Variants in RSPO4 observed in about 807,000 individuals in gnomAD.
The protein encoded by RSPO4 is R-spondin-4.
RSPO4 carries 23 observed loss-of-function variants against 24.8 expected under a neutral mutation model. The ratio of observed to expected loss-of-function variants is 0.93; its 90% confidence interval spans 0.67 to 1.31. The LOEUF (loss-of-function observed/expected upper bound fraction) is 1.31. Among genes scored for constraint, RSPO4 ranks in the 40% most tolerant of loss-of-function variants. The probability of loss-of-function intolerance (pLI) is 0.00; values close to 1 mark genes in which losing one functional copy is unlikely to be tolerated. For synonymous variants in RSPO4, 141 were observed against 127.4 expected, an observed-to-expected ratio of 1.11 and a Z score of -0.72; for missense variants, 333 against 316.5, an observed-to-expected ratio of 1.05 and a Z score of -0.39.
intron 1 of RSPO4, among the ~76,000 whole-genome samples, chr20:989,717 T>C (rs1217133701): frequency 2.0e-5 from 3 of 152,168 alleles, no homozygotes; most frequent in Admixed American, 2.0e-4. Flanking sequence ...GCACTCACTG[T>C]TAGTGGGCCT....
chr20:1,001,528 CCCTATTAGAATAAGTGAA>C (rs1985461159), intron 1 of RSPO4, among the ~76,000 whole-genome samples: 1 of 152,152 alleles, frequency 6.6e-6, no homozygotes, highest in Non-Finnish European at 1.5e-5. Context: ...CTAGGTCATC[CCCTATTAGAATAAGTGAA>C]CCTGAACTCA....
chr20:1,002,000 C>T, intron 1 of RSPO4, 86 bp downstream of exon 1: 1 of 1,160,752 alleles, frequency 8.6e-7, no homozygotes, highest in Non-Finnish European at 1.2e-6. Flanking sequence ...CAGGCAGATG[C>T]CCCCAGAGCC....
At chr20:971,234 A>C (rs182884260) in intron 1 of RSPO4, among the ~76,000 whole-genome samples, 1 of 152,172 alleles carries the variant, frequency 6.6e-6, no homozygotes, top group Non-Finnish European at 1.5e-5. Context: ...GCTCCTAGAG[A>C]GCTTGTTAGA....
At chr20:979,508 A>C (rs931679749) in intron 1 of RSPO4, among the ~76,000 whole-genome samples, 1 of 152,212 alleles carries the variant, frequency 6.6e-6, no homozygotes, top group African/African-American at 2.4e-5. Flanking sequence ...CCTCCAAAAC[A>C]AACCTTGATG....
chr20:987,198 G>A (rs973221802), intron 1 of RSPO4, among the ~76,000 whole-genome samples: 4 of 152,190 alleles, frequency 2.6e-5, no homozygotes, highest in African/African-American at 9.7e-5. Flanking sequence ...CTCTGTCTGG[G>A]CTAGTGCACA....
intron 1 of RSPO4, among the ~76,000 whole-genome samples, chr20:997,467 C>T (rs1985331517): frequency 6.6e-6 from 1 of 152,224 alleles, no homozygotes; most frequent in Non-Finnish European, 1.5e-5. Flanking sequence ...TATGAAGAAA[C>T]CGAAGCCGAG....
At chr20:985,972 C>G (rs1278364171) in intron 1 of RSPO4, among the ~76,000 whole-genome samples, 4 of 152,234 alleles carry the variant, frequency 2.6e-5, no homozygotes, top group Non-Finnish European at 5.9e-5. Flanking sequence ...TGGGGTCTGG[C>G]AGAGGCAGCC....
rs565675207 is a variant in RSPO4 at position 960,321 on chromosome 20, C to G, written c.*36G>C. On this transcript the variant is annotated 3_prime_UTR_variant, in exon 5 of 5. Coordinates refer to ENST00000217260, the MANE Select transcript of RSPO4 (RefSeq NM_001029871.4). ...GGAGCAGGAGGAGGTGTGCAGGGGC[C>G]GAGGACTAGGACCAGAGAGTCGGGA... is the stretch of plus-strand genomic sequence containing the variant. The G allele has an allele frequency of 5.0e-6, 7 of 1,411,202 alleles. No homozygotes were observed. The highest frequency in any genetic ancestry group is 6.8e-6 in the Non-Finnish European group (7 of 1,033,124). 87.4% of individuals were successfully genotyped at this position (1,411,202 alleles called of 1,614,324 possible).
intron 1 of RSPO4, among the ~76,000 whole-genome samples, chr20:978,315 G>A (rs1984631486): frequency 6.6e-6 from 1 of 152,246 alleles, no homozygotes; most frequent in Non-Finnish European, 1.5e-5. Flanking sequence ...CCAGGCAGTT[G>A]TGGGGATGCC....
chr20:960,742 TGCAG>T (rs1983966557), intron 4 of RSPO4, among the ~76,000 whole-genome samples: 1 of 152,258 alleles, frequency 6.6e-6, no homozygotes, highest in Non-Finnish European at 1.5e-5. Flanking sequence ...CGGCCAGGCC[TGCAG>T]GTTCACCTGG....
intron 1 of RSPO4, among the ~76,000 whole-genome samples, chr20:998,774 C>T (rs1985374428): frequency 6.6e-6 from 1 of 152,204 alleles, no homozygotes; most frequent in Non-Finnish European, 1.5e-5. Context: ...CAGAGCCTGG[C>T]ACAGAGGCTG....
At chr20:961,243 T>C (rs978104513) in intron 4 of RSPO4, among the ~76,000 whole-genome samples, 1 of 152,218 alleles carries the variant, frequency 6.6e-6, no homozygotes, top group Non-Finnish European at 1.5e-5. Flanking sequence ...CCTAAGTTTC[T>C]GCTTTACAAA....
At chr20:995,774 A>T (rs1408659975) in intron 1 of RSPO4, among the ~76,000 whole-genome samples, 2 of 152,172 alleles carry the variant, frequency 1.3e-5, no homozygotes, top group Non-Finnish European at 2.9e-5. Flanking sequence ...GAGGGCCTCC[A>T]TTAGGCCATG....
intron 3 of RSPO4, among the ~76,000 whole-genome samples, chr20:965,141 T>C (rs1374458326): frequency 6.6e-6 from 1 of 152,066 alleles, no homozygotes; most frequent in Admixed American, 6.6e-5. Flanking sequence ...CCTCCTGGAA[T>C]TCACCATCTG....
intron 1 of RSPO4, among the ~76,000 whole-genome samples, chr20:975,700 C>T (rs1029303614): frequency 4.6e-5 from 7 of 152,176 alleles, no homozygotes; most frequent in Non-Finnish European, 1.0e-4. Context: ...ATTCATTCAT[C>T]GACCCATTCA....
intron 1 of RSPO4, among the ~76,000 whole-genome samples, chr20:996,427 C>T (rs991699108): frequency 6.6e-6 from 1 of 152,190 alleles, no homozygotes; most frequent in African/African-American, 2.4e-5. Flanking sequence ...AGCAACCTCC[C>T]CTCTTTGTCT....
At chr20:960,905 A>G (rs535613932) in intron 4 of RSPO4, among the ~76,000 whole-genome samples, 1 of 152,316 alleles carries the variant, frequency 6.6e-6, no homozygotes, top group African/African-American at 2.4e-5. Flanking sequence ...CACTGTGGCA[A>G]CAATACTTCA....
At chr20:978,169 G>A (rs778947897) in intron 1 of RSPO4, among the ~76,000 whole-genome samples, 2 of 152,162 alleles carry the variant, frequency 1.3e-5, no homozygotes, top group Non-Finnish European at 2.9e-5. Flanking sequence ...ACATTCAGCA[G>A]AATGTTGAGG....
Position 959,821 on chromosome 20 carries a change from G to A in RSPO4, c.*536C>T, listed in dbSNP as rs534495204. The A allele has an allele frequency of 6.3e-6, 1 of 158,588 alleles. No individual in the cohort carries two copies. Among genetic ancestry groups the A allele is most frequent in the African/African-American group, 2.4e-5 (1 of 41,622 alleles). The allele number at this position is 158,588 out of a possible 1,614,324, so 9.8% of individuals were successfully genotyped here. A position where few individuals can be genotyped will look rare whatever the true frequency, so the allele number is the denominator to read the frequency against. The stretch of plus-strand genomic sequence containing the variant: ...CAGGTGCTCACAGCTCAGGGTCCTG[G>A]AGCCTCCCCCAGAGCAGAAGCAGGG... On this transcript the variant is annotated 3_prime_UTR_variant, in exon 5 of 5. Transcript: ENST00000217260.
Sources: allele counts gnomAD v4.1 joint callset (sites outside exome capture counted in the v4.1 genomes callset), GRCh38; gene constraint gnomAD v4.1.1; transcripts MANE v1.5; gene names NCBI Gene and HGNC (gene_info 2026-07-23, HGNC 2026-07-21).